The following MTMR8 variants were observed in gnomAD, a reference collection of about 807,000 sequenced individuals.
The protein encoded by MTMR8 is phosphatidylinositol-3,5-bisphosphate 3-phosphatase MTMR8.
A neutral mutation model predicts 39.3 loss-of-function variants in MTMR8; 65 were observed. The ratio of observed to expected loss-of-function variants is 1.65; its 90% CI spans 1.35 to 2.03. The LOEUF is 2.03. Among genes scored for constraint, MTMR8 ranks in the 30% most tolerant of loss-of-function variants. The probability of loss-of-function intolerance (pLI) is 0.00; values close to 1 mark genes in which losing one functional copy is unlikely to be tolerated. For synonymous variants in MTMR8, 245 were observed against 185.2 expected (o/e 1.32, Z -2.62); for missense variants, 777 against 538.9 (o/e 1.44, Z -4.37).
intron 12 of MTMR8, among the ~76,000 whole-genome samples, chrX:64,272,684 C>G: frequency 9.1e-6 from 1 of 110,130 alleles, no homozygotes; most frequent in East Asian, 2.8e-4. Context: ...CCAAAATGAC[C>G]AAAACACGAT....
chrX:64,284,288 G>T (rs1020102395), intron 12 of MTMR8, among the ~76,000 whole-genome samples: 1 of 111,892 alleles, frequency 8.9e-6, no homozygotes, highest in African/African-American at 3.3e-5. Context: ...AGAATAAAAA[G>T]AAACGAATAA....
At chrX:64,283,835 A>C (rs1186148965) in intron 12 of MTMR8, among the ~76,000 whole-genome samples, 1 of 112,272 alleles carries the variant, frequency 8.9e-6, no homozygotes, top group Non-Finnish European at 1.9e-5. Context: ...TGTCTCCATC[A>C]TCAAAGACCA....
intron 12 of MTMR8, among the ~76,000 whole-genome samples, chrX:64,285,505 A>G (rs1004053296): frequency 9.0e-6 from 1 of 111,593 alleles, no homozygotes; most frequent in Admixed American, 9.6e-5. Context: ...TCCACCCCAA[A>G]TCAACAGAAT....
At chrX:64,302,410 C>A (rs1282542139) in intron 12 of MTMR8, among the ~76,000 whole-genome samples, 1 of 112,563 alleles carries the variant, frequency 8.9e-6, no homozygotes, top group South Asian at 3.7e-4. Flanking sequence ...GGCAATGCCT[C>A]GCCCTGCTTC....
intron 12 of MTMR8, chrX:64,305,986 C>T (rs1009364732): frequency 5.8e-5 from 11 of 189,988 alleles, no homozygotes; most frequent in East Asian, 2.6e-4. Context: ...TGTGGTGGCA[C>T]GCACTTGTGG....
chrX:64,289,857 C>G (rs1375266825), intron 12 of MTMR8, among the ~76,000 whole-genome samples: 1 of 110,419 alleles, frequency 9.1e-6, no homozygotes, highest in Non-Finnish European at 1.9e-5. Context: ...ATATGGATGA[C>G]TTTTGGGGAC....
intron 12 of MTMR8, among the ~76,000 whole-genome samples, chrX:64,286,719 T>G (rs2147135370): frequency 8.9e-6 from 1 of 111,756 alleles, no homozygotes; most frequent in East Asian, 2.8e-4. Context: ...AACCACATGA[T>G]TATCTCAATA....
intron 12 of MTMR8, among the ~76,000 whole-genome samples, chrX:64,300,127 G>A (rs950581648): frequency 9.6e-6 from 1 of 103,878 alleles, no homozygotes; most frequent in Non-Finnish European, 2.0e-5. Flanking sequence ...TCAATTCCTG[G>A]GTATCCTTGT....
chrX:64,314,286 C>T (rs1483805803), intron 12 of MTMR8, among the ~76,000 whole-genome samples: 4 of 112,766 alleles, frequency 3.5e-5, no homozygotes, highest in South Asian at 3.6e-4. Flanking sequence ...GGCAGCACAG[C>T]GGGGTGCATG....
At chrX:64,312,020 G>A (rs1922319791) in intron 12 of MTMR8, among the ~76,000 whole-genome samples, 1 of 111,187 alleles carries the variant, frequency 9.0e-6, no homozygotes, top group Non-Finnish European at 1.9e-5. Context: ...CTTTAAAGCA[G>A]TTTTTTCCAA....
At chrX:64,295,263 A>C (rs957841051) in intron 12 of MTMR8, among the ~76,000 whole-genome samples, 6 of 109,888 alleles carry the variant, frequency 5.5e-5, no homozygotes, top group Admixed American at 4.8e-4. Flanking sequence ...CACACACACA[A>C]AATTGTTTCC....
chrX:64,339,392 T>C (rs1025181454), intron 8 of MTMR8, among the ~76,000 whole-genome samples: 7 of 110,880 alleles, frequency 6.3e-5, no homozygotes, highest in African/African-American at 2.0e-4. Flanking sequence ...GAGGTCAAAA[T>C]AGAGTGAAGA....
chrX:64,300,431 AGAG>A (rs1410394052), intron 12 of MTMR8, among the ~76,000 whole-genome samples: 2 of 111,102 alleles, frequency 1.8e-5, no homozygotes, highest in African/African-American at 6.5e-5. Context: ...TTTGCTTGGT[AGAG>A]CTTCCTCCAT....
intron 12 of MTMR8, among the ~76,000 whole-genome samples, chrX:64,324,776 G>A (rs1463829527): frequency 5.7e-5 from 5 of 87,928 alleles, no homozygotes; most frequent in Non-Finnish European, 8.2e-5. Context: ...GACTCAGCCC[G>A]CCTGCACCCA....
chrX:64,373,625 A>G (rs1188958131), intron 1 of MTMR8, among the ~76,000 whole-genome samples: 2 of 111,255 alleles, frequency 1.8e-5, no homozygotes, highest in Non-Finnish European at 3.8e-5. Flanking sequence ...ATTATACTAT[A>G]CTGCCACAGA....
At chrX:64,345,013 C>T in intron 7 of MTMR8, 32 bp downstream of exon 7, 1 of 1,200,041 alleles carries the variant, frequency 8.3e-7, no homozygotes, top group Non-Finnish European at 1.1e-6. Context: ...AAAGCTATGG[C>T]CGCTTGCCTA....
At chrX:64,290,070 A>G (rs1263537097) in intron 12 of MTMR8, among the ~76,000 whole-genome samples, 1 of 110,951 alleles carries the variant, frequency 9.0e-6, no homozygotes, top group African/African-American at 3.3e-5. Flanking sequence ...AAAGTTCTAA[A>G]GATTGACCTA....
At chrX:64,314,692 A>G (rs1422665151) in intron 12 of MTMR8, among the ~76,000 whole-genome samples, 2 of 112,483 alleles carry the variant, frequency 1.8e-5, no homozygotes, top group Non-Finnish European at 3.8e-5. Context: ...CCAGGCAGGG[A>G]AGAAGGCAAG....
chrX:64,359,974 C>T (rs1923736817), intron 1 of MTMR8, among the ~76,000 whole-genome samples: 1 of 103,409 alleles, frequency 9.7e-6, no homozygotes, highest in South Asian at 4.2e-4. Context: ...AAAGGAGTAC[C>T]ATAAATAAAA....
Sources: gnomAD v4.1 joint callset for allele counts (sites outside exome capture counted in the v4.1 genomes callset) on GRCh38, gnomAD v4.1.1 for gene constraint, MANE v1.5 for transcripts, NCBI Gene and HGNC (gene_info 2026-07-23, HGNC 2026-07-21) for gene names.